The following EFNB1 variants were observed in gnomAD, a reference collection of about 807,000 sequenced individuals.
EFNB1 encodes ephrin-B1.
A neutral mutation model predicts 18.1 loss-of-function variants in EFNB1; 1 was observed. The observed-to-expected ratio is 0.06, with a 90% CI of 0.02 to 0.26. The LOEUF (loss-of-function observed/expected upper bound fraction) is 0.26. Ranked by LOEUF, EFNB1 falls within the 10% of genes least tolerant of loss-of-function variation. The pLI, the probability that EFNB1 is intolerant of heterozygous loss-of-function variation, is 1.00. For synonymous variants in EFNB1, 131 were observed against 127.5 expected (o/e 1.03, Z -0.19); for missense variants, 221 against 301.8 (o/e 0.73, Z 1.98).
intron 4 of EFNB1, 29 bp downstream of exon 4, chrX:68,840,117 G>A (rs1415373993): frequency 1.7e-6 from 2 of 1,210,124 alleles, no homozygotes; most frequent in Admixed American, 4.4e-5. Context: ...CAGAGGTCAG[G>A]AGCCATTGCT....
At chrX:68,838,187 G>GCA (rs2080467046) in intron 1 of EFNB1, among the ~76,000 whole-genome samples, 3 of 98,456 alleles carry the variant, frequency 3.0e-5, no homozygotes, top group Non-Finnish European at 6.3e-5. Context: ...GCGCGCGCGC[G>GCA]CACGTGTGTA....
chrX:68,829,296 G>A lies in EFNB1; in HGVS notation c.-481G>A, dbSNP rs1218185348. ...GAGGAACGGAGCCCGTGCCAGGGCG[G>A]CCCAGTCGGGAGCCCGGGGACCGAG... On this transcript the variant is annotated 5_prime_UTR_variant, in exon 1 of 5. Transcript: ENST00000204961. 6.1e-6 allele frequency: 1 copy of A among 164,549 alleles called. No homozygotes were observed. Among genetic ancestry groups the A allele is most frequent in the Non-Finnish European group, 1.2e-5 (1 of 86,488 alleles). 13.6% of individuals were successfully genotyped at this position (164,549 alleles called of 1,213,427 possible). A position where few individuals can be genotyped will look rare whatever the true frequency, so the allele number is the denominator to read the frequency against.
At position 68,840,471 on chromosome X, in the gene EFNB1, C is replaced by T; in HGVS notation, c.858C>T (p.Ala286=). The T allele has an allele frequency of 8.3e-7, 1 of 1,211,773 alleles. No homozygotes were observed. Among genetic ancestry groups the T allele is most frequent in the Non-Finnish European group, 1.1e-6 (1 of 895,365 alleles). ...CTGCCCTCTCGCTCAGTACCCTGGC[C>T]AGTCCCAAGGGGGGCAGTGGCACAG... ...RAAALSLSTL[A]SPKGGSGTAG... is the part of the protein sequence containing the mutation. Residue 286 remains alanine (A), a synonymous_variant, in exon 5 of 5, where the codon GCC becomes GCT. Transcript: ENST00000204961.
In EFNB1 at chrX:68,840,804, C is replaced by A; in HGVS notation, c.*150C>A. ...CTTTTATAATCCCCCTTTTTCCCTG[C>A]CCCCTGGGCTTCGGAGGGGGGTGCT... On this transcript the variant is annotated 3_prime_UTR_variant, in exon 5 of 5. Coordinates refer to ENST00000204961, the MANE Select transcript of EFNB1 (RefSeq NM_004429.5). 3.0e-6 allele frequency: 2 copies of A among 662,209 alleles called. No individual in the cohort carries two copies. Among genetic ancestry groups the A allele is most frequent in the Non-Finnish European group, 4.6e-6 (2 of 437,471 alleles). 54.6% of individuals were successfully genotyped at this position (662,209 alleles called of 1,213,427 possible). A position where few individuals can be genotyped will look rare whatever the true frequency, so the allele number is the denominator to read the frequency against.
At chrX:68,837,780 C>G (rs963077914) in intron 1 of EFNB1, among the ~76,000 whole-genome samples, 1 of 112,217 alleles carries the variant, frequency 8.9e-6, no homozygotes, top group African/African-American at 3.2e-5. Context: ...AGATGAGGCC[C>G]TATCTTCTAT....
chrX:68,831,783 A>C (rs1344226531), intron 1 of EFNB1, among the ~76,000 whole-genome samples: 2 of 110,379 alleles, frequency 1.8e-5, no homozygotes, highest in Non-Finnish European at 3.8e-5. Flanking sequence ...TTGTGCTCAG[A>C]GACTTTAGTG....
At chrX:68,837,747 A>T (rs886113301) in intron 1 of EFNB1, among the ~76,000 whole-genome samples, 1 of 112,358 alleles carries the variant, frequency 8.9e-6, no homozygotes, top group African/African-American at 3.2e-5. Flanking sequence ...TAGGAGCAAC[A>T]TAGAGGTGAC....
Position 68,829,539 on chromosome X carries a change from C to T in EFNB1, c.-238C>T, listed in dbSNP as rs1319138898. The T allele has an allele frequency of 6.6e-6, 3 of 455,270 alleles. No individual in the cohort carries two copies. The highest frequency in any genetic ancestry group is 4.1e-5 in the Admixed American group (1 of 24,684). 37.5% of individuals were successfully genotyped at this position (455,270 alleles called of 1,213,427 possible). A position where few individuals can be genotyped will look rare whatever the true frequency, so the allele number is the denominator to read the frequency against. On this transcript the variant is annotated 5_prime_UTR_variant, in exon 1 of 5. In the 5' UTR this introduces an upstream ATG that the reference lacks. Transcript: ENST00000204961. ...TGCGGCAGCGGAGAGCCCAGGAGAA[C>T]GAGCCCTCGGGGGCCGAAGCCCATG...
chrX:68,838,893 C>A lies in EFNB1; in HGVS notation c.405C>A (p.Thr135=), dbSNP rs763525185. The change falls in exon 2 of 5, where the codon ACC becomes ACA. Residue 135 remains threonine, a splice_region_variant and synonymous_variant. Transcript: ENST00000204961. ...EFKKHHDYYI[T]STSNGSLEGL... ...AGAAGCACCATGATTACTACATTACCTGTGAGTCCCGCCCATCCCATCCTC... is the reference window on the plus strand; with the variant it reads ...AGAAGCACCATGATTACTACATTACATGTGAGTCCCGCCCATCCCATCCTC... 6.5e-5 allele frequency: 78 copies of A among 1,193,207 alleles called. No individual in the cohort carries two copies. The South Asian group carries it at 1.3e-3, about 20-fold the overall frequency.
chrX:68,838,379 C>T (rs1204510049), intron 1 of EFNB1, among the ~76,000 whole-genome samples: 2 of 111,812 alleles, frequency 1.8e-5, no homozygotes, highest in Admixed American at 1.9e-4. Context: ...GGCAGTGCTC[C>T]ACCCTGCCGA....
At position 68,841,863 on chromosome X, in the gene EFNB1, T is replaced by G. The variant is rs192955667; in HGVS notation, c.*1209T>G. The G allele has an allele frequency of 3.5e-3, 400 of 113,094 alleles. 4 individuals carry two copies. Among genetic ancestry groups the G allele is most frequent in the Non-Finnish European group, 5.6e-3 (301 of 53,299 alleles). The allele number at this position is 113,094 out of a possible 1,213,427, so 9.3% of individuals were successfully genotyped here. ...AACAGACTGCCACTTGAGTGCGCCT[T>G]GCAGGCACTCCCAGAGCAGCCATGG... On this transcript the variant is annotated 3_prime_UTR_variant, in exon 5 of 5. Transcript: ENST00000204961.
intron 1 of EFNB1, among the ~76,000 whole-genome samples, chrX:68,830,256 C>G (rs1205093912): frequency 9.0e-6 from 1 of 111,601 alleles, no homozygotes; most frequent in Non-Finnish European, 1.9e-5. Context: ...CCCCTGGGAA[C>G]GTGGTGATTT....
At chrX:68,836,175 T>C (rs1184342573) in intron 1 of EFNB1, among the ~76,000 whole-genome samples, 1 of 111,960 alleles carries the variant, frequency 8.9e-6, no homozygotes, top group Non-Finnish European at 1.9e-5. Flanking sequence ...ATGAAGGGCC[T>C]GGACTCTAAG....
rs2080438368 is a variant in EFNB1, at chrX:68,829,599, T to C, written c.-178T>C. 2 of 828,516 alleles carry C rather than the reference T, an allele frequency of 2.4e-6. No individual in the cohort carries two copies. The highest frequency in any genetic ancestry group is 2.0e-5 in the African/African-American group (1 of 49,882). 68.3% of individuals were successfully genotyped at this position (828,516 alleles called of 1,213,427 possible). ...GGGGCGGCTGCCCAGTGAGTCCTCCTGGCCGGCCGGGCGGAGAAGAGCGAC... is the reference window on the plus strand; with the variant it reads ...GGGGCGGCTGCCCAGTGAGTCCTCCCGGCCGGCCGGGCGGAGAAGAGCGAC... On this transcript the variant is annotated 5_prime_UTR_variant, in exon 1 of 5. Coordinates refer to ENST00000204961, the MANE Select transcript of EFNB1 (RefSeq NM_004429.5).
At position 68,840,661 on chromosome X, in the gene EFNB1, G is replaced by A. The variant is rs757059116; in HGVS notation, c.*7G>A. ...CATCTACTACAAGGTCTGAGTGCCC[G>A]GCACGGCCTCAGGCCCCCGAGGGAC... is the stretch of plus-strand genomic sequence containing the variant. On this transcript the variant is annotated 3_prime_UTR_variant, in exon 5 of 5. Coordinates refer to ENST00000204961, the MANE Select transcript of EFNB1 (RefSeq NM_004429.5). The A allele has an allele frequency of 4.0e-5, 48 of 1,202,153 alleles. No homozygotes were observed. The highest frequency in any genetic ancestry group is 3.1e-4 in the South Asian group (17 of 55,244).
intron 3 of EFNB1, 34 bp downstream of exon 3, chrX:68,839,790 C>T (rs1349054322): frequency 8.4e-7 from 1 of 1,184,878 alleles, no homozygotes; most frequent in African/African-American, 1.8e-5. Context: ...CCTCACCCCA[C>T]CCTGTTTGAC....
intron 3 of EFNB1, 60 bp downstream of exon 3, chrX:68,839,816 T>A: frequency 8.5e-7 from 1 of 1,182,120 alleles, no homozygotes; most frequent in Admixed American, 2.3e-5. Context: ...GAACAGATGT[T>A]CCTGGCTGGG....
At chrX:68,839,788 C>T in intron 3 of EFNB1, 32 bp downstream of exon 3, 3 of 1,189,996 alleles carry the variant, frequency 2.5e-6, no homozygotes, top group Admixed American at 2.2e-5. Context: ...CCCCTCACCC[C>T]ACCCTGTTTG....
At chrX:68,840,167 C>G in intron 4 of EFNB1, 75 bp from the exon 5 acceptor site, 1 of 1,209,678 alleles carries the variant, frequency 8.3e-7, no homozygotes, top group Non-Finnish European at 1.1e-6. Context: ...GAAATGCAAG[C>G]TGGGCCTGGC....
Sources: gnomAD v4.1 joint callset for allele counts (sites outside exome capture counted in the v4.1 genomes callset) on GRCh38, gnomAD v4.1.1 for gene constraint, MANE v1.5 for transcripts, NCBI Gene and HGNC (gene_info 2026-07-23, HGNC 2026-07-21) for gene names.